ALDH1A2: variants seen among roughly 807,000 people sequenced by gnomAD.
ALDH1A2 encodes the protein aldehyde dehydrogenase 1 family member A2.
In ALDH1A2, 27 loss-of-function variants were observed where a neutral mutation model predicts 60.3. The observed-to-expected ratio is 0.45, with a 90% CI of 0.33 to 0.62. ALDH1A2 has a LOEUF of 0.62. ALDH1A2 is among the 20% of genes least tolerant of loss of function. The pLI is 0.02. For synonymous variants in ALDH1A2, 289 were observed against 232.4 expected (o/e 1.24, Z -2.21); for missense variants, 581 against 643.8 (o/e 0.90, Z 1.06).
At chr15:57,965,943 C>T (rs1264881154) in intron 7 of ALDH1A2, 116 bp from the exon 8 acceptor site, 20 of 770,912 alleles carry the variant, frequency 2.6e-5, no homozygotes, top group Middle Eastern at 2.4e-4. Flanking sequence ...AAAAGGCAAG[C>T]CAACCCAGCT....
chr15:57,988,808 C>T (rs1469801038), intron 7 of ALDH1A2, among the ~76,000 whole-genome samples: 3 of 152,176 alleles, frequency 2.0e-5, no homozygotes, highest in Non-Finnish European at 4.4e-5. Flanking sequence ...TTTATGGACT[C>T]ACTATGTGGC....
intron 7 of ALDH1A2, among the ~76,000 whole-genome samples, chr15:57,969,793 C>G (rs549005617): frequency 6.6e-6 from 1 of 151,842 alleles, no homozygotes; most frequent in Non-Finnish European, 1.5e-5. Context: ...CCTTTTCTTC[C>G]AAGCAGAAAA....
At chr15:57,998,858 G>A (rs1372798811) in intron 4 of ALDH1A2, among the ~76,000 whole-genome samples, 2 of 152,050 alleles carry the variant, frequency 1.3e-5, no homozygotes, top group Non-Finnish European at 2.9e-5. Context: ...CAGACACACA[G>A]ACCAATGGAA....
intron 4 of ALDH1A2, among the ~76,000 whole-genome samples, chr15:58,001,388 G>GA (rs1895264739): frequency 6.6e-6 from 1 of 151,728 alleles, no homozygotes; most frequent in Non-Finnish European, 1.5e-5. Context: ...AATAAACAAA[G>GA]AAAAAACCTC....
At position 57,970,854 on chromosome 15, in the gene ALDH1A2, C is replaced by A. The variant is rs1034568615; in HGVS notation, c.799-5027G>T. Among the ~76,000 whole-genome samples, 20 of 152,148 alleles carry A rather than the reference C, an allele frequency of 1.3e-4. 1 individual carries two copies. The highest frequency in any genetic ancestry group is 5.9e-5 in the Non-Finnish European group (4 of 68,030). ...CTCTGCTTCTTCCCTCTTCTCCTTT[C>A]TTAATTTTCATTGTTATGCTTCCTG... On this transcript the variant is annotated intron_variant, in intron 7 of 12. Transcript: ENST00000249750.
intron 4 of ALDH1A2, among the ~76,000 whole-genome samples, chr15:58,005,666 T>C (rs1292021331): frequency 6.6e-6 from 1 of 151,924 alleles, no homozygotes; most frequent in African/African-American, 2.4e-5. Context: ...GGAGTATAAT[T>C]CAATGTTGTA....
chr15:58,062,226 A>G (rs548559659), intron 1 of ALDH1A2, among the ~76,000 whole-genome samples: 93 of 152,240 alleles, frequency 6.1e-4, no homozygotes, highest in African/African-American at 2.0e-3. Flanking sequence ...AAAAAAAAAC[A>G]TAACTCTTTG....
intron 1 of ALDH1A2, among the ~76,000 whole-genome samples, chr15:58,031,651 C>T (rs1458326896): frequency 6.6e-6 from 1 of 151,800 alleles, no homozygotes. Context: ...CTACAAAGAA[C>T]TTAAATTTAC....
At chr15:57,961,472 T>C (rs549872749) in intron 10 of ALDH1A2, among the ~76,000 whole-genome samples, 178 bp from the exon 11 acceptor site, 1 of 152,248 alleles carries the variant, frequency 6.6e-6, no homozygotes, top group African/African-American at 2.4e-5. Flanking sequence ...GAGTCTGACA[T>C]TAGTGTTTAA....
intron 7 of ALDH1A2, among the ~76,000 whole-genome samples, chr15:57,981,289 AACACACACACACACAC>A (rs775138747): frequency 1.1e-4 from 16 of 142,134 alleles, no homozygotes; most frequent in Non-Finnish European, 2.1e-4. Flanking sequence ...TAGAAGAGCA[AACACACACACACACAC>A]ACACACACAC....
chr15:58,000,025 A>AG (rs1368311543), intron 4 of ALDH1A2, among the ~76,000 whole-genome samples: 1 of 151,954 alleles, frequency 6.6e-6, no homozygotes, highest in East Asian at 1.9e-4. Flanking sequence ...GGACACAGGA[A>AG]GGGGAACAAC....
intron 7 of ALDH1A2, among the ~76,000 whole-genome samples, chr15:57,968,300 C>A (rs1410486004): frequency 6.6e-6 from 1 of 152,182 alleles, no homozygotes; most frequent in Non-Finnish European, 1.5e-5. Flanking sequence ...TCTCAAAAAA[C>A]CCTACACAGT....
At chr15:58,030,020 T>A (rs1218189089) in intron 1 of ALDH1A2, among the ~76,000 whole-genome samples, 2 of 152,106 alleles carry the variant, frequency 1.3e-5, no homozygotes, top group Non-Finnish European at 2.9e-5. Context: ...AAAGAGGGAA[T>A]CCTCCCTAAC....
At chr15:58,058,129 G>A in intron 1 of ALDH1A2, 1 of 1,455,964 alleles carries the variant, frequency 6.9e-7, no homozygotes, top group Non-Finnish European at 9.3e-7. Context: ...AAGACTTTCA[G>A]TTGTTCTCCA....
chr15:58,030,357 T>A (rs148418587), intron 1 of ALDH1A2, among the ~76,000 whole-genome samples: 2 of 152,290 alleles, frequency 1.3e-5, no homozygotes, highest in Non-Finnish European at 2.9e-5. Flanking sequence ...TGTTAAAAAC[T>A]CTCAATAAAC....
intron 1 of ALDH1A2, among the ~76,000 whole-genome samples, chr15:58,031,549 A>G (rs1448534896): frequency 6.6e-6 from 1 of 152,266 alleles, no homozygotes; most frequent in Non-Finnish European, 1.5e-5. Context: ...CTGCACAGCA[A>G]AAGAAACTAT....
intron 7 of ALDH1A2, among the ~76,000 whole-genome samples, chr15:57,969,056 A>C (rs1450158788): frequency 3.3e-5 from 5 of 152,230 alleles, no homozygotes; most frequent in African/African-American, 4.8e-5. Context: ...CTTTGGAAGA[A>C]AGTCGAGTTA....
At chr15:57,957,511 C>A (rs1472864561) in intron 12 of ALDH1A2, among the ~76,000 whole-genome samples, 1 of 152,154 alleles carries the variant, frequency 6.6e-6, no homozygotes, top group African/African-American at 2.4e-5. Context: ...TTTATTTACT[C>A]CAGCTAAATT....
At position 58,024,908 on chromosome 15, in the gene ALDH1A2, T is replaced by C. The variant is rs143221759; in HGVS notation, c.118-10627A>G. On this transcript the variant is annotated intron_variant, in intron 1 of 12. Transcript: ENST00000249750. The stretch of plus-strand genomic sequence containing the variant: ...CAACTCTGGAAACGATACAAATACA[T>C]GGAAATTAAACAACATGCTCCTGAA... Among the ~76,000 whole-genome samples the C allele has an allele frequency of 3.3e-5, 5 of 152,108 alleles. No individual in the cohort carries two copies. The East Asian group carries it at 5.8e-4, about 18-fold the overall frequency.
Sources: allele counts gnomAD v4.1 joint callset (sites outside exome capture counted in the v4.1 genomes callset), GRCh38; gene constraint gnomAD v4.1.1; transcripts MANE v1.5; gene names NCBI Gene and HGNC (gene_info 2026-07-23, HGNC 2026-07-21).